PPM1H: variants seen among roughly 807,000 people sequenced by gnomAD.
PPM1H encodes protein phosphatase, Mg2+/Mn2+ dependent 1H, also known as protein phosphatase 1H.
A neutral mutation model predicts 54.9 loss-of-function variants in PPM1H; 27 were observed. The ratio of observed to expected loss-of-function variants is 0.49; its 90% CI spans 0.36 to 0.68. The LOEUF (loss-of-function observed/expected upper bound fraction) is 0.68, where lower values mean the gene tolerates loss of function less well. PPM1H is among the 30% of genes least tolerant of loss of function. The pLI, the probability that PPM1H is intolerant of heterozygous loss-of-function variation, is 0.00. For missense variants in PPM1H, 596 were observed against 667.8 expected, an observed-to-expected ratio of 0.89 and a Z score of 1.19; for synonymous variants, 305 against 270.8, an observed-to-expected ratio of 1.13 and a Z score of -1.24.
chr12:62,842,362 A>G (rs1001631465), intron 1 of PPM1H, among the ~76,000 whole-genome samples: 20 of 152,038 alleles, frequency 1.3e-4, no homozygotes, highest in Non-Finnish European at 2.6e-4. Context: ...TCAGTTTCAA[A>G]TGTGTAATTT....
intron 6 of PPM1H, among the ~76,000 whole-genome samples, chr12:62,718,445 T>C (rs998205659): frequency 1.3e-5 from 2 of 152,160 alleles, no homozygotes; most frequent in Admixed American, 1.3e-4. Context: ...TCCAAAAACA[T>C]CACTTTCATT....
At chr12:62,718,477 T>C (rs1301365516) in intron 6 of PPM1H, among the ~76,000 whole-genome samples, 1 of 152,192 alleles carries the variant, frequency 6.6e-6, no homozygotes. Context: ...CTCAGGAATA[T>C]ATAAGAGCAC....
chr12:62,778,192 TGTATCAA>T (rs1325930107), intron 4 of PPM1H, among the ~76,000 whole-genome samples: 2 of 152,206 alleles, frequency 1.3e-5, no homozygotes, highest in Non-Finnish European at 2.9e-5. Flanking sequence ...AAAGGGAAAA[TGTATCAA>T]AAACTGAATG....
rs1170357941 is a variant in PPM1H, at chr12:62,647,965, CAG to C, written c.*522_*523del. 7.1e-6 allele frequency: 1 copy of C among 140,436 alleles called. No individual in the cohort carries two copies. Among genetic ancestry groups the C allele is most frequent in the East Asian group, 2.1e-4 (1 of 4,708 alleles). 8.7% of individuals were successfully genotyped at this position (140,436 alleles called of 1,614,324 possible). Reference sequence around the variant, plus strand: ...CACCACTGCCATAAAAGAATAGAAACAGAGAAGAAAAAAAGAGAAGGGGGGCG... The same window carrying C: ...CACCACTGCCATAAAAGAATAGAAACAGAAGAAAAAAAGAGAAGGGGGGCG... On this transcript the variant is annotated 3_prime_UTR_variant, in exon 10 of 10. Coordinates refer to ENST00000228705, the MANE Select transcript of PPM1H (RefSeq NM_020700.2).
intron 1 of PPM1H, among the ~76,000 whole-genome samples, chr12:62,928,655 A>T (rs1872045245): frequency 6.6e-6 from 1 of 152,202 alleles, no homozygotes; most frequent in Admixed American, 6.5e-5. Context: ...TTAAGCAAGA[A>T]TCCTGTTAAG....
At chr12:62,830,861 TTTTCTC>T (rs1868346787) in intron 2 of PPM1H, among the ~76,000 whole-genome samples, 4 of 152,206 alleles carry the variant, frequency 2.6e-5, no homozygotes, top group African/African-American at 9.6e-5. Context: ...TTCTTTTTCT[TTTTCTC>T]TTTTTGAGAT....
At chr12:62,861,306 G>A (rs752887287) in intron 1 of PPM1H, among the ~76,000 whole-genome samples, 29 of 152,128 alleles carry the variant, frequency 1.9e-4, no homozygotes, top group Admixed American at 3.9e-4. Flanking sequence ...AGCAAATGCC[G>A]GCTAGCATTA....
intron 1 of PPM1H, among the ~76,000 whole-genome samples, chr12:62,874,319 C>T (rs1870088987): frequency 6.6e-6 from 1 of 152,134 alleles, no homozygotes; most frequent in Non-Finnish European, 1.5e-5. Flanking sequence ...ATAAGAGTGA[C>T]TTTCAAAGGA....
At chr12:62,695,909 C>T (rs142748591) in intron 6 of PPM1H, among the ~76,000 whole-genome samples, 203 of 152,162 alleles carry the variant, frequency 1.3e-3, no homozygotes, top group Middle Eastern at 3.4e-3. Context: ...GAGACAGGCC[C>T]GCACAGAGAG....
chr12:62,667,515 A>G, intron 8 of PPM1H, among the ~76,000 whole-genome samples, 186 bp from the exon 9 acceptor site: 1 of 152,196 alleles, frequency 6.6e-6, no homozygotes. Flanking sequence ...GACTTGCTAT[A>G]TAGACACATG....
intron 1 of PPM1H, among the ~76,000 whole-genome samples, chr12:62,861,341 A>G (rs1869595560): frequency 6.6e-6 from 1 of 152,228 alleles, no homozygotes; most frequent in East Asian, 1.9e-4. Flanking sequence ...TAAACATTCC[A>G]ACAAATCACA....
At chr12:62,691,951 C>T (rs2076085581) in intron 7 of PPM1H, among the ~76,000 whole-genome samples, 1 of 152,182 alleles carries the variant, frequency 6.6e-6, no homozygotes, top group Non-Finnish European at 1.5e-5. Context: ...CTCCTGCTCT[C>T]CTCCCTGAAA....
chr12:62,731,734 G>A (rs2076321955), intron 5 of PPM1H, among the ~76,000 whole-genome samples: 1 of 152,200 alleles, frequency 6.6e-6, no homozygotes, highest in South Asian at 2.1e-4. Context: ...AAGGACAGAA[G>A]TATGTTATTT....
In PPM1H at chr12:62,649,519, A is replaced by G. The variant is rs117878741; in HGVS notation, c.1398-883T>C. On this transcript the variant is annotated intron_variant, in intron 9 of 9. Transcript: ENST00000228705. ...AAAACATTGGCAGGTGTCTATCCAA[A>G]CACTGACCAGAGCAGAGGGAGTCAT... is the stretch of plus-strand genomic sequence containing the variant. Among the ~76,000 whole-genome samples the G allele has an allele frequency of 3.2e-3, 488 of 152,330 alleles. 15 individuals carry two copies. In the East Asian group the frequency reaches 0.04, roughly 12 times the overall value.
At chr12:62,707,884 A>T (rs1009621427) in intron 6 of PPM1H, among the ~76,000 whole-genome samples, 1 of 152,188 alleles carries the variant, frequency 6.6e-6, no homozygotes, top group Non-Finnish European at 1.5e-5. Flanking sequence ...TCCTTTAGGT[A>T]CAGAGAGTGA....
chr12:62,805,398 G>A (rs967780760), intron 2 of PPM1H, among the ~76,000 whole-genome samples: 5 of 152,228 alleles, frequency 3.3e-5, no homozygotes, highest in East Asian at 3.9e-4. Flanking sequence ...ATAGCCCAAC[G>A]TTCATTGCAG....
intron 2 of PPM1H, among the ~76,000 whole-genome samples, chr12:62,808,405 AT>A (rs1165699194): frequency 5.3e-5 from 8 of 152,164 alleles, no homozygotes; most frequent in African/African-American, 1.9e-4. Flanking sequence ...GGTTGCCTTA[AT>A]TTATACATAG....
chr12:62,855,798 T>G (rs1237065848), intron 1 of PPM1H, among the ~76,000 whole-genome samples: 1 of 152,208 alleles, frequency 6.6e-6, no homozygotes, highest in East Asian at 1.9e-4. Context: ...CTGACACTGA[T>G]TTTGAGCTTA....
intron 8 of PPM1H, among the ~76,000 whole-genome samples, chr12:62,675,088 AC>A (rs1592536561): frequency 6.6e-6 from 1 of 152,244 alleles, no homozygotes; most frequent in East Asian, 1.9e-4. Context: ...GGCTGCTCAT[AC>A]TATTGCAAAA....
Sources: allele counts gnomAD v4.1 joint callset (sites outside exome capture counted in the v4.1 genomes callset), GRCh38; gene constraint gnomAD v4.1.1; transcripts MANE v1.5; gene names NCBI Gene and HGNC (gene_info 2026-07-23, HGNC 2026-07-21).